Variants in FLI1 observed in about 807,000 individuals in gnomAD.
FLI1 encodes Friend leukemia integration 1 transcription factor.
A neutral mutation model predicts 53.1 loss-of-function variants in FLI1; 13 were observed. The observed-to-expected ratio is 0.24, with a 90% CI of 0.16 to 0.39. FLI1 has a LOEUF of 0.39. FLI1 is among the 10% of genes least tolerant of loss of function. FLI1 has a pLI of 1.00. For synonymous variants in FLI1, 244 were observed against 236.7 expected (o/e 1.03, Z -0.28); for missense variants, 424 against 600.5 (o/e 0.71, Z 3.07).
chr11:128,686,638 C>T (rs1865808776), exon 1 of FLI1: 1 of 365,480 alleles, frequency 2.7e-6, no homozygotes, highest in South Asian at 2.0e-5. Context: ...GGTTCTTGGG[C>T]GTTCCCGACC....
chr11:128,762,310 T>C (rs987354315), intron 2 of FLI1, among the ~76,000 whole-genome samples: 7 of 152,216 alleles, frequency 4.6e-5, no homozygotes, highest in Non-Finnish European at 1.0e-4. Flanking sequence ...GAGGATGTTA[T>C]AATGATTCTG....
chr11:128,693,142 G>C (rs4526784), upstream of FLI1: 51,200 of 152,524 alleles, frequency 0.34, 9,141 homozygotes, highest in Admixed American at 0.39. Flanking sequence ...CGTCGGGTCC[G>C]GGTAAGCGCT....
At chr11:128,738,440 G>T (rs570106734) in intron 1 of FLI1, among the ~76,000 whole-genome samples, 1 of 152,166 alleles carries the variant, frequency 6.6e-6, no homozygotes, top group Non-Finnish European at 1.5e-5. Context: ...ATCCACTACC[G>T]CCTGAGCTCT....
chr11:128,771,046 C>T (rs933977190), intron 3 of FLI1, among the ~76,000 whole-genome samples: 2 of 152,194 alleles, frequency 1.3e-5, no homozygotes, highest in Non-Finnish European at 2.9e-5. Context: ...TATTGGAACC[C>T]CAGCCCAGAT....
chr11:128,694,824 G>A (rs1449834010), intron 1 of FLI1, among the ~76,000 whole-genome samples: 1 of 152,138 alleles, frequency 6.6e-6, no homozygotes, highest in Non-Finnish European at 1.5e-5. Context: ...CTATCTGAGC[G>A]GGCTCCTCCA....
At position 128,809,190 on chromosome 11, in the gene FLI1, G is replaced by T. The variant is rs759402782; in HGVS notation, c.815G>T (p.Arg272Leu). 1 of 1,613,722 alleles carries T rather than the reference G, an allele frequency of 6.2e-7. No homozygotes were observed. Among genetic ancestry groups the T allele is most frequent in the Non-Finnish European group, 8.5e-7 (1 of 1,179,788 alleles). ...PYQILGPTSS[R>L]LANPGSGQIQ... ...CAGATCCTGGGCCCGACCAGCAGTC[G>T]CCTAGCCAACCCTGGTGAGTTTACC... is the stretch of plus-strand genomic sequence containing the variant. The change falls in exon 8 of 9, where the codon CGC becomes CTC. Residue 272 changes from arginine to leucine, a missense_variant. Physicochemically the swap from Arg to Leu is moderately radical, Grantham distance 102 (BLOSUM62 -2). Around this residue, in one of 5 missense-constraint regions of FLI1, gnomAD observed 71 missense variants for 174.2 expected, o/e 0.41. Coordinates refer to ENST00000527786, the MANE Select transcript of FLI1 (RefSeq NM_002017.5).
chr11:128,706,509 CA>C (rs1026618223), intron 1 of FLI1, among the ~76,000 whole-genome samples: 2 of 152,074 alleles, frequency 1.3e-5, no homozygotes, highest in Admixed American at 6.5e-5. Flanking sequence ...CCAGTAGTCT[CA>C]AAAAGAAAGA....
chr11:128,710,042 A>G (rs781276205), intron 1 of FLI1, among the ~76,000 whole-genome samples: 10 of 152,212 alleles, frequency 6.6e-5, no homozygotes, highest in Non-Finnish European at 1.3e-4. Context: ...TTGAAGTCAC[A>G]AGTGATGGAG....
intron 5 of FLI1, among the ~76,000 whole-genome samples, chr11:128,782,537 A>G (rs1941948429): frequency 6.6e-6 from 1 of 152,126 alleles, no homozygotes; most frequent in Non-Finnish European, 1.5e-5. Flanking sequence ...TCTCAGCTAA[A>G]AAATACAAAA....
chr11:128,792,619 T>C (rs952214792), intron 5 of FLI1, among the ~76,000 whole-genome samples: 3 of 152,214 alleles, frequency 2.0e-5, no homozygotes, highest in Non-Finnish European at 4.4e-5. Context: ...AGACATCTTC[T>C]AGTGAAAGAC....
chr11:128,756,876 G>A (rs920110268), intron 1 of FLI1, among the ~76,000 whole-genome samples: 2 of 152,038 alleles, frequency 1.3e-5, no homozygotes, highest in Non-Finnish European at 2.9e-5. Flanking sequence ...TCTCCGGAAT[G>A]TGCAAAGTTT....
intron 2 of FLI1, among the ~76,000 whole-genome samples, chr11:128,758,914 C>G (rs1219925136): frequency 6.6e-6 from 1 of 152,200 alleles, no homozygotes; most frequent in Non-Finnish European, 1.5e-5. Flanking sequence ...GAGAAAATCA[C>G]AGGGTCATGG....
At chr11:128,762,926 G>A (rs1280258146) in intron 2 of FLI1, among the ~76,000 whole-genome samples, 11 of 151,670 alleles carry the variant, frequency 7.3e-5, no homozygotes, top group South Asian at 4.2e-4. Context: ...ACTGGACTCC[G>A]GTCTGGGCAA....
At chr11:128,784,051 G>A (rs1044151288) in intron 5 of FLI1, among the ~76,000 whole-genome samples, 8 of 152,112 alleles carry the variant, frequency 5.3e-5, no homozygotes, top group African/African-American at 1.7e-4. Flanking sequence ...TGCTGAGTTC[G>A]GATTTTTGTA....
Position 128,694,157 on chromosome 11 carries a change from G to C in FLI1, c.-102G>C, listed in dbSNP as rs1214098603. On this transcript the variant is annotated 5_prime_UTR_variant, in exon 1 of 9. Transcript: ENST00000527786. ...GGGGCACGCAGGGAGGGCCCAGGGC[G>C]CCAGGGAGGCCGCGCCGGGCTAATC... is the stretch of plus-strand genomic sequence containing the variant. 1.4e-5 allele frequency: 19 copies of C among 1,335,930 alleles called. No individual in the cohort carries two copies. The highest frequency in any genetic ancestry group is 3.1e-5 in the South Asian group (2 of 65,438). 82.8% of individuals were successfully genotyped at this position (1,335,930 alleles called of 1,614,324 possible).
chr11:128,742,874 G>A (rs1940199289), intron 1 of FLI1, among the ~76,000 whole-genome samples: 1 of 152,232 alleles, frequency 6.6e-6, no homozygotes, highest in South Asian at 2.1e-4. Flanking sequence ...TCAGGCTGAT[G>A]TTATACCTGA....
At chr11:128,764,608 C>T (rs770719860) in intron 2 of FLI1, 25 of 1,516,954 alleles carry the variant, frequency 1.6e-5, no homozygotes, top group South Asian at 7.2e-5. Context: ...AACCTCGTCC[C>T]GCACTCCCCC....
intron 1 of FLI1, among the ~76,000 whole-genome samples, chr11:128,710,942 A>G (rs193102912): frequency 2.7e-3 from 416 of 152,292 alleles, no homozygotes; most frequent in Non-Finnish European, 4.0e-3. Context: ...AGTTTTTCTC[A>G]ACCTTTTTAA....
chr11:128,698,966 T>C (rs1938206737), intron 1 of FLI1, among the ~76,000 whole-genome samples: 1 of 152,164 alleles, frequency 6.6e-6, no homozygotes, highest in Non-Finnish European at 1.5e-5. Flanking sequence ...GTAAACAGTC[T>C]CCATTACAAG....
Sources: allele counts gnomAD v4.1 joint callset (sites outside exome capture counted in the v4.1 genomes callset), GRCh38; gene constraint gnomAD v4.1.1; regional missense constraint gnomAD v4.1.1; transcripts MANE v1.5; gene names NCBI Gene and HGNC (gene_info 2026-07-23, HGNC 2026-07-21).